The following PSD3 variants were observed in gnomAD, a reference collection of about 807,000 sequenced individuals.
The protein encoded by PSD3 is PH and SEC7 domain-containing protein 3.
In PSD3, 49 loss-of-function variants were observed where a neutral mutation model predicts 105.5. The observed-to-expected ratio is 0.46, with a 90% CI of 0.37 to 0.59. PSD3 has a LOEUF of 0.59. Among genes scored for constraint, PSD3 ranks in the 20% least tolerant of loss-of-function variants. The pLI, the probability that PSD3 is intolerant of heterozygous loss-of-function variation, is 0.00. For synonymous variants in PSD3, 557 were observed against 457.8 expected (o/e 1.22, Z -2.77); for missense variants, 1,561 against 1,263.8 (o/e 1.24, Z -3.57).
intron 11 of PSD3, among the ~76,000 whole-genome samples, chr8:18,603,743 C>G (rs1563368224): frequency 6.6e-6 from 1 of 152,158 alleles, no homozygotes; most frequent in Non-Finnish European, 1.5e-5. Flanking sequence ...TCTCGTGACA[C>G]TGAGTAAGTG....
chr8:18,589,020 T>C (rs868357458), intron 12 of PSD3, among the ~76,000 whole-genome samples: 9 of 152,100 alleles, frequency 5.9e-5, no homozygotes, highest in Non-Finnish European at 2.9e-5. Context: ...AATAAAGAAG[T>C]GACCCAAGAG....
chr8:18,645,035 G>A (rs1807931721), intron 10 of PSD3, among the ~76,000 whole-genome samples: 1 of 152,218 alleles, frequency 6.6e-6, no homozygotes, highest in East Asian at 1.9e-4. Flanking sequence ...AGCGAGTTGG[G>A]GATCACAGTT....
At chr8:18,556,176 A>G in intron 15 of PSD3, 33 bp downstream of exon 15, 1 of 1,609,294 alleles carries the variant, frequency 6.2e-7, no homozygotes, top group Non-Finnish European at 8.5e-7. Context: ...AAACTCAGAA[A>G]TCAGCATTTA....
chr8:18,885,598 C>T (rs1326762295), intron 2 of PSD3, among the ~76,000 whole-genome samples: 1 of 152,174 alleles, frequency 6.6e-6, no homozygotes, highest in Non-Finnish European at 1.5e-5. Flanking sequence ...GGTAAACACG[C>T]CACCTCACTC....
intron 1 of PSD3, among the ~76,000 whole-genome samples, chr8:18,954,827 A>G (rs1454641337): frequency 6.6e-6 from 1 of 152,190 alleles, no homozygotes; most frequent in Non-Finnish European, 1.5e-5. Context: ...TTCAAGGACC[A>G]CACACTGAGA....
intron 9 of PSD3, among the ~76,000 whole-genome samples, chr8:18,707,539 A>G (rs1801976454): frequency 6.6e-6 from 1 of 152,178 alleles, no homozygotes; most frequent in Non-Finnish European, 1.5e-5. Context: ...CTTTTTAATC[A>G]ATGATCTTAT....
chr8:18,968,201 A>C (rs1824407307), intron 1 of PSD3, among the ~76,000 whole-genome samples: 1 of 152,174 alleles, frequency 6.6e-6, no homozygotes, highest in Non-Finnish European at 1.5e-5. Context: ...TCAATTAAGA[A>C]AACCTTATGT....
intron 8 of PSD3, among the ~76,000 whole-genome samples, chr8:18,774,155 C>T (rs1270729679): frequency 6.8e-6 from 1 of 146,550 alleles, no homozygotes; most frequent in African/African-American, 2.4e-5. Context: ...ATCAGTTCTC[C>T]CATACAGATT....
At chr8:18,789,628 T>G (rs1809507331) in intron 8 of PSD3, among the ~76,000 whole-genome samples, 1 of 152,192 alleles carries the variant, frequency 6.6e-6, no homozygotes, top group African/African-American at 2.4e-5. Context: ...TGATATTTCA[T>G]GGAAAGCACT....
chr8:18,934,981 G>A (rs190629903), intron 2 of PSD3, among the ~76,000 whole-genome samples: 3 of 152,170 alleles, frequency 2.0e-5, no homozygotes, highest in African/African-American at 7.2e-5. Context: ...TGAGCTCTGC[G>A]GTCAGGCAAA....
chr8:18,679,019 A>T (rs148029983), intron 9 of PSD3, among the ~76,000 whole-genome samples: 120,780 of 150,760 alleles, frequency 0.8, 52,152 homozygotes, highest in Non-Finnish European at 0.97. Flanking sequence ...GAATAACAAA[A>T]ATATGTAAAG....
intron 1 of PSD3, among the ~76,000 whole-genome samples, chr8:18,954,981 C>T (rs1483498590): frequency 6.6e-6 from 1 of 152,164 alleles, no homozygotes; most frequent in Admixed American, 6.5e-5. Context: ...TGCAGGCAGA[C>T]AACGAGGGAG....
chr8:18,722,044 A>T (rs964604409), intron 9 of PSD3, among the ~76,000 whole-genome samples: 1 of 152,074 alleles, frequency 6.6e-6, no homozygotes, highest in African/African-American at 2.4e-5. Flanking sequence ...GCAGACATAC[A>T]GACTATGATT....
At chr8:18,920,551 T>A (rs1302420397) in intron 2 of PSD3, among the ~76,000 whole-genome samples, 1 of 152,208 alleles carries the variant, frequency 6.6e-6, no homozygotes, top group Non-Finnish European at 1.5e-5. Flanking sequence ...AAACAAAGTA[T>A]AATCTTCTCT....
At chr8:18,773,155 C>T (rs1270384911) in intron 8 of PSD3, among the ~76,000 whole-genome samples, 2 of 152,096 alleles carry the variant, frequency 1.3e-5, no homozygotes, top group African/African-American at 4.8e-5. Flanking sequence ...TTCAGGATTA[C>T]ATTTAGGTCT....
At chr8:18,749,652 C>A (rs1461429736) in intron 9 of PSD3, among the ~76,000 whole-genome samples, 1 of 152,066 alleles carries the variant, frequency 6.6e-6, no homozygotes, top group African/African-American at 2.4e-5. Flanking sequence ...GGAGAACAGG[C>A]ACTCAGAAGA....
chr8:18,760,663 T>C (rs943356342), intron 9 of PSD3, among the ~76,000 whole-genome samples: 5 of 152,234 alleles, frequency 3.3e-5, no homozygotes, highest in African/African-American at 9.6e-5. Flanking sequence ...TGATTCCGTA[T>C]CTGGGCTGTT....
intron 4 of PSD3, among the ~76,000 whole-genome samples, chr8:18,858,872 T>C (rs775688035): frequency 2.6e-4 from 40 of 152,322 alleles, no homozygotes; most frequent in Non-Finnish European, 5.0e-4. Flanking sequence ...TCATGAAGGT[T>C]GGAATTAACA....
intron 2 of PSD3, among the ~76,000 whole-genome samples, chr8:18,892,683 G>T (rs1294087648): frequency 3.4e-5 from 5 of 146,602 alleles, no homozygotes; most frequent in Non-Finnish European, 7.4e-5. Flanking sequence ...GGAGTGCCGT[G>T]GCGTCATCTT....
Sources: allele counts gnomAD v4.1 joint callset (sites outside exome capture counted in the v4.1 genomes callset), GRCh38; gene constraint gnomAD v4.1.1; transcripts MANE v1.5; gene names NCBI Gene and HGNC (gene_info 2026-07-23, HGNC 2026-07-21).